The following HDAC8 variants were observed in gnomAD, a reference collection of about 807,000 sequenced individuals.
HDAC8 encodes the protein histone deacetylase-like 1.
In HDAC8, 1 loss-of-function variant was observed where a neutral mutation model predicts 32.2. That is an observed-to-expected ratio of 0.03 (90% CI 0.01 to 0.15). The LOEUF (loss-of-function observed/expected upper bound fraction) is 0.15. HDAC8 is among the 10% of genes least tolerant of loss of function. HDAC8 has a pLI of 1.00. For missense variants in HDAC8, 117 were observed against 300.0 expected (o/e 0.39, Z 4.51); for synonymous variants, 108 against 113.9 (o/e 0.95, Z 0.33).
chrX:72,428,010 C>T (rs1034847559), intron 9 of HDAC8, among the ~76,000 whole-genome samples: 1 of 112,381 alleles, frequency 8.9e-6, no homozygotes, highest in African/African-American at 3.2e-5. Flanking sequence ...TAAGCTCAGG[C>T]CTACAAATCC....
intron 10 of HDAC8, among the ~76,000 whole-genome samples, chrX:72,344,087 C>T (rs782539054): frequency 6.0e-4 from 67 of 111,675 alleles, no homozygotes; most frequent in African/African-American, 2.1e-3. Context: ...TCTACTCCAC[C>T]CAGCAATACT....
chrX:72,528,401 C>T (rs868916661), intron 4 of HDAC8, among the ~76,000 whole-genome samples: 1 of 112,078 alleles, frequency 8.9e-6, no homozygotes, highest in Non-Finnish European at 1.9e-5. Flanking sequence ...CTGCAGGAGG[C>T]AGAAGAGGTA....
chrX:72,494,649 G>A (rs2048967752), intron 5 of HDAC8, among the ~76,000 whole-genome samples: 1 of 111,618 alleles, frequency 9.0e-6, no homozygotes, highest in Admixed American at 9.5e-5. Flanking sequence ...TTAAATGTTA[G>A]GGAAGATGTC....
chrX:72,562,882 CTT>C (rs1164766535), intron 4 of HDAC8, among the ~76,000 whole-genome samples: 2 of 96,362 alleles, frequency 2.1e-5, no homozygotes, highest in East Asian at 3.3e-4. Flanking sequence ...TATTTTTTTT[CTT>C]TTTTTTTTTT....
intron 9 of HDAC8, among the ~76,000 whole-genome samples, chrX:72,352,619 C>T (rs999532104): frequency 2.7e-5 from 3 of 111,931 alleles, no homozygotes; most frequent in Non-Finnish European, 5.6e-5. Flanking sequence ...GTTTTGGTTG[C>T]CTTGAATTCC....
chrX:72,369,563 A>G (rs2044806123), intron 9 of HDAC8, among the ~76,000 whole-genome samples: 1 of 112,042 alleles, frequency 8.9e-6, no homozygotes. Context: ...AGGGCAGACA[A>G]GCAGGCAGGC....
intron 9 of HDAC8, among the ~76,000 whole-genome samples, chrX:72,446,095 A>C (rs781926121): frequency 8.9e-6 from 1 of 112,302 alleles, no homozygotes; most frequent in African/African-American, 3.2e-5. Flanking sequence ...TGGGACTGTA[A>C]ACTAGTTCAA....
At chrX:72,363,576 T>C (rs980807208) in intron 9 of HDAC8, among the ~76,000 whole-genome samples, 7 of 110,844 alleles carry the variant, frequency 6.3e-5, no homozygotes, top group Admixed American at 9.5e-5. Flanking sequence ...AATGAACTTT[T>C]TTTTTTTCTT....
chrX:72,572,024 G>A, intron 2 of HDAC8, 33 bp downstream of exon 2: 1 of 1,135,055 alleles, frequency 8.8e-7, no homozygotes, highest in South Asian at 2.0e-5. Context: ...CGAACACCTA[G>A]CTTCAGGGCT....
At chrX:72,371,896 G>A (rs782775323) in intron 9 of HDAC8, among the ~76,000 whole-genome samples, 1 of 111,832 alleles carries the variant, frequency 8.9e-6, no homozygotes, top group East Asian at 2.8e-4. Flanking sequence ...GGGACAGATA[G>A]TAAATAAACA....
chrX:72,456,682 T>C (rs2047727829), intron 9 of HDAC8, among the ~76,000 whole-genome samples: 1 of 110,394 alleles, frequency 9.1e-6, no homozygotes, highest in African/African-American at 3.3e-5. Flanking sequence ...GCCTATAGTC[T>C]CAGCTACTGG....
At position 72,420,707 on chromosome X, in the gene HDAC8, A is replaced by G. The variant is rs185002068; in HGVS notation, c.1005+41297T>C. ...GTTATACCGTCTCAATCAATTGATC[A>G]GTACATAACGTCTGACTTTGACTTT... On this transcript the variant is annotated intron_variant, in intron 9 of 10. Transcript: ENST00000373573. 8.9e-5 allele frequency among the ~76,000 whole-genome samples: 10 copies of G among 112,123 alleles called. No homozygotes were observed. In the East Asian group the frequency reaches 2.8e-3, roughly 31 times the overall value.
rs782534814 is a variant in HDAC8, at chrX:72,420,054, C to T, written c.1005+41950G>A. 2.7e-5 allele frequency among the ~76,000 whole-genome samples: 3 copies of T among 111,396 alleles called. No homozygotes were observed. In the East Asian group the frequency reaches 8.4e-4, roughly 31 times the overall value. On this transcript the variant is annotated intron_variant, in intron 9 of 10. Transcript: ENST00000373573. ...GTGTCTATATTCATAAGATACATTGCACTGTAATTTTCTTGTGATTTTTTT... is the reference window on the plus strand; with the variant it reads ...GTGTCTATATTCATAAGATACATTGTACTGTAATTTTCTTGTGATTTTTTT...
chrX:72,489,814 C>A (rs781895490), intron 6 of HDAC8, among the ~76,000 whole-genome samples: 1 of 110,890 alleles, frequency 9.0e-6, no homozygotes, highest in East Asian at 2.9e-4. Flanking sequence ...AGTGAACAGG[C>A]AACCTATAGA....
chrX:72,451,178 C>T (rs190355555), intron 9 of HDAC8, among the ~76,000 whole-genome samples: 305 of 110,066 alleles, frequency 2.8e-3, no homozygotes, highest in Middle Eastern at 9.5e-3. Flanking sequence ...ATATTACAGT[C>T]GATGTTCTTT....
At chrX:72,462,254 C>T (rs1311627355) in intron 8 of HDAC8, 156 bp from the exon 9 acceptor site, 7 of 445,965 alleles carry the variant, frequency 1.6e-5, no homozygotes, top group South Asian at 6.9e-5. Context: ...TTTTAAACCA[C>T]CTAGTAGGCA....
intron 10 of HDAC8, among the ~76,000 whole-genome samples, chrX:72,347,377 CTTGT>C (rs2044059046): frequency 9.0e-6 from 1 of 111,262 alleles, no homozygotes; most frequent in Non-Finnish European, 1.9e-5. Flanking sequence ...ACTTCCTGAC[CTTGT>C]TTGTTTCTTT....
chrX:72,436,898 A>G (rs1278075617), intron 9 of HDAC8, among the ~76,000 whole-genome samples: 1 of 112,301 alleles, frequency 8.9e-6, no homozygotes, highest in Non-Finnish European at 1.9e-5. Flanking sequence ...TTATACATGT[A>G]TAATCTAATA....
chrX:72,340,250 T>C (rs2043851186), intron 10 of HDAC8, among the ~76,000 whole-genome samples: 1 of 112,005 alleles, frequency 8.9e-6, no homozygotes, highest in South Asian at 3.8e-4. Flanking sequence ...GCCAGCCAGC[T>C]TGTGGAGCTG....
Sources: allele counts gnomAD v4.1 joint callset (sites outside exome capture counted in the v4.1 genomes callset), GRCh38; gene constraint gnomAD v4.1.1; transcripts MANE v1.5; gene names NCBI Gene and HGNC (gene_info 2026-07-23, HGNC 2026-07-21).